KIF16B: variants seen among roughly 807,000 people sequenced by gnomAD.
The protein encoded by KIF16B is kinesin family member 16B, also known as kinesin-like protein KIF16B.
Under a neutral mutation model 156.3 loss-of-function variants are expected in KIF16B, and 98 were observed. The ratio of observed to expected loss-of-function variants is 0.63; its 90% CI spans 0.53 to 0.74. The LOEUF is 0.74. Ranked by LOEUF, KIF16B falls within the 30% of genes least tolerant of loss-of-function variation. The pLI, the probability that KIF16B is intolerant of heterozygous loss-of-function variation, is 0.00. For synonymous variants in KIF16B, 564 were observed against 583.7 expected (o/e 0.97, Z 0.49); for missense variants, 1,421 against 1,606.5 (o/e 0.88, Z 1.97).
At chr20:16,455,409 G>A (rs1395769895) in intron 12 of KIF16B, among the ~76,000 whole-genome samples, 1 of 151,802 alleles carries the variant, frequency 6.6e-6, no homozygotes, top group African/African-American at 2.4e-5. Flanking sequence ...ACATTATCCT[G>A]CCCTTTCAGA....
chr20:16,571,754 C>A lies in KIF16B; in HGVS notation c.47+1475G>T, dbSNP rs140125179. Among the ~76,000 whole-genome samples, 662 of 151,980 alleles carry A rather than the reference C, an allele frequency of 4.4e-3. 8 individuals are homozygous for A. The highest frequency in any genetic ancestry group is 0.015 in the African/African-American group (636 of 41,432). Reference sequence around the variant, plus strand: ...ACACCATTCTCCTGCCTCAACCTCACGAGTAGCTGGGACTACAGGCGTCCA... The same window carrying A: ...ACACCATTCTCCTGCCTCAACCTCAAGAGTAGCTGGGACTACAGGCGTCCA... On this transcript the variant is annotated intron_variant, in intron 1 of 25. Coordinates refer to ENST00000354981, the MANE Select transcript of KIF16B (RefSeq NM_024704.5).
At chr20:16,384,179 C>T (rs1440116224) in intron 17 of KIF16B, among the ~76,000 whole-genome samples, 1 of 152,124 alleles carries the variant, frequency 6.6e-6, no homozygotes, top group Admixed American at 6.5e-5. Context: ...GACATTTTAA[C>T]TGAGCACCTA....
chr20:16,392,611 A>G (rs2065394500), intron 17 of KIF16B, among the ~76,000 whole-genome samples: 1 of 152,244 alleles, frequency 6.6e-6, no homozygotes, highest in South Asian at 2.1e-4. Flanking sequence ...GAAAGACAAC[A>G]TGCCGATACG....
intron 12 of KIF16B, among the ~76,000 whole-genome samples, chr20:16,440,327 T>C (rs1265257797): frequency 1.3e-5 from 2 of 152,048 alleles, no homozygotes; most frequent in African/African-American, 4.8e-5. Flanking sequence ...AAGCCAGAAG[T>C]GAATACAGGA....
At chr20:16,455,979 C>A (rs1461771489) in intron 12 of KIF16B, among the ~76,000 whole-genome samples, 1 of 152,138 alleles carries the variant, frequency 6.6e-6, no homozygotes, top group Non-Finnish European at 1.5e-5. Flanking sequence ...CCAACCTGTC[C>A]TTGACAACAC....
chr20:16,568,197 T>C (rs1333203414), intron 1 of KIF16B, among the ~76,000 whole-genome samples: 4 of 151,898 alleles, frequency 2.6e-5, no homozygotes, highest in Non-Finnish European at 4.4e-5. Context: ...TTGATAGACT[T>C]GATACTAGAT....
chr20:16,289,560 G>C (rs1190706379), intron 25 of KIF16B, among the ~76,000 whole-genome samples: 1 of 152,178 alleles, frequency 6.6e-6, no homozygotes, highest in African/African-American at 2.4e-5. Flanking sequence ...TTTATTTAAA[G>C]AGTTGTGTTA....
chr20:16,468,364 G>A (rs1420634709), intron 12 of KIF16B, among the ~76,000 whole-genome samples: 2 of 151,980 alleles, frequency 1.3e-5, no homozygotes, highest in Non-Finnish European at 1.5e-5. Context: ...CTGAGGTCAA[G>A]AGTTCGAGAC....
chr20:16,551,395 C>G (rs1174995894), intron 1 of KIF16B, among the ~76,000 whole-genome samples: 1 of 152,210 alleles, frequency 6.6e-6, no homozygotes, highest in African/African-American at 2.4e-5. Context: ...TCCCAAAGTG[C>G]TGGGATTACA....
intron 10 of KIF16B, among the ~76,000 whole-genome samples, chr20:16,500,384 G>A (rs1274496273): frequency 4.6e-5 from 7 of 152,082 alleles, no homozygotes; most frequent in Non-Finnish European, 1.0e-4. Flanking sequence ...TAACATAAAA[G>A]GTAGTCTTTT....
At chr20:16,361,972 T>C (rs1297040615) in intron 22 of KIF16B, among the ~76,000 whole-genome samples, 1 of 152,256 alleles carries the variant, frequency 6.6e-6, no homozygotes, top group Non-Finnish European at 1.5e-5. Context: ...TCATCATCTT[T>C]GAACAATGTA....
At chr20:16,523,652 T>C (rs1032506892) in intron 3 of KIF16B, among the ~76,000 whole-genome samples, 2 of 152,130 alleles carry the variant, frequency 1.3e-5, no homozygotes, top group African/African-American at 2.4e-5. Flanking sequence ...CAAGCTACCA[T>C]TGACTTTCTT....
intron 3 of KIF16B, among the ~76,000 whole-genome samples, chr20:16,519,448 T>C (rs6044055): frequency 0.23 from 34,582 of 152,162 alleles, 4,511 homozygotes; most frequent in East Asian, 0.36. Context: ...CAGTATCTTC[T>C]GGATATAGTC....
chr20:16,494,825 ACC>A (rs778587412), intron 11 of KIF16B, among the ~76,000 whole-genome samples: 34,392 of 152,090 alleles, frequency 0.23, 4,450 homozygotes, highest in East Asian at 0.35. Context: ...GGGCTTATAA[ACC>A]TCATTCTATC....
At chr20:16,535,397 C>A (rs1392968390) in intron 1 of KIF16B, among the ~76,000 whole-genome samples, 1 of 152,056 alleles carries the variant, frequency 6.6e-6, no homozygotes, top group Non-Finnish European at 1.5e-5. Flanking sequence ...TAGGTGAAGT[C>A]TTTGGTTTTT....
chr20:16,417,958 G>A (rs1264398120), intron 15 of KIF16B, among the ~76,000 whole-genome samples: 3 of 151,742 alleles, frequency 2.0e-5, no homozygotes, highest in Non-Finnish European at 4.4e-5. Context: ...AGTATAGTGC[G>A]GGGGAAAAAA....
At chr20:16,345,691 T>A (rs1307180339) in intron 23 of KIF16B, among the ~76,000 whole-genome samples, 1 of 152,180 alleles carries the variant, frequency 6.6e-6, no homozygotes. Flanking sequence ...CTAAACTGCC[T>A]TTAGGAGGGT....
intron 17 of KIF16B, among the ~76,000 whole-genome samples, chr20:16,398,546 C>T (rs1257201085): frequency 3.3e-5 from 5 of 152,170 alleles, no homozygotes; most frequent in Non-Finnish European, 7.3e-5. Flanking sequence ...GGTAACCATG[C>T]CAATCGGAGC....
chr20:16,367,909 C>A, intron 22 of KIF16B: 3 of 1,476,196 alleles, frequency 2.0e-6, no homozygotes, highest in Non-Finnish European at 2.7e-6. Flanking sequence ...ACTCTGTCCA[C>A]CAAAGCCAAT....
Sources: allele counts gnomAD v4.1 joint callset (sites outside exome capture counted in the v4.1 genomes callset), GRCh38; gene constraint gnomAD v4.1.1; transcripts MANE v1.5; gene names NCBI Gene and HGNC (gene_info 2026-07-23, HGNC 2026-07-21).